CSMD1: variants seen among roughly 807,000 people sequenced by gnomAD.
The protein encoded by CSMD1 is CUB and sushi domain-containing protein 1.
CSMD1 carries 213 observed loss-of-function variants against 417.5 expected under a neutral mutation model. That is an observed-to-expected ratio of 0.51 (90% confidence interval 0.46 to 0.57). CSMD1 has a LOEUF of 0.57. Among genes scored for constraint, CSMD1 ranks in the 20% least tolerant of loss-of-function variants. The pLI is 0.00. For missense variants in CSMD1, 6,923 were observed against 4,529.7 expected (o/e 1.53, Z -15.17); for synonymous variants, 2,862 against 1,736.8 (o/e 1.65, Z -16.11).
intron 3 of CSMD1, among the ~76,000 whole-genome samples, chr8:4,393,697 C>G (rs1167142138): frequency 6.6e-6 from 1 of 152,304 alleles, no homozygotes; most frequent in East Asian, 1.9e-4. Flanking sequence ...AACCAAGAAC[C>G]TGGAACTCCA....
At chr8:4,435,122 CTG>C (rs747968814) in intron 2 of CSMD1, among the ~76,000 whole-genome samples, 9 of 151,932 alleles carry the variant, frequency 5.9e-5, no homozygotes, top group Non-Finnish European at 5.9e-5. Flanking sequence ...TAAGGAAAAA[CTG>C]TATTTTAAAG....
At chr8:4,230,879 C>G (rs1801682139) in intron 3 of CSMD1, among the ~76,000 whole-genome samples, 2 of 152,084 alleles carry the variant, frequency 1.3e-5, no homozygotes, top group Admixed American at 1.3e-4. Context: ...ACGGCACTAA[C>G]TTGAGTCACC....
chr8:4,205,436 T>C (rs928669299), intron 3 of CSMD1, among the ~76,000 whole-genome samples: 9 of 152,234 alleles, frequency 5.9e-5, no homozygotes, highest in Non-Finnish European at 7.3e-5. Context: ...CTGATATTTA[T>C]TTCATGATGC....
chr8:3,564,045 G>T (rs758857300), intron 10 of CSMD1, among the ~76,000 whole-genome samples: 2 of 151,854 alleles, frequency 1.3e-5, no homozygotes, highest in African/African-American at 2.4e-5. Flanking sequence ...ATATATTTTG[G>T]GGGTACACGT....
intron 1 of CSMD1, among the ~76,000 whole-genome samples, chr8:4,790,097 TA>T (rs1797614002): frequency 6.6e-6 from 1 of 152,280 alleles, no homozygotes; most frequent in Middle Eastern, 3.4e-3. Context: ...GGGAAAATAC[TA>T]AGCTCCATCA....
At chr8:4,713,692 T>A (rs1172909776) in intron 1 of CSMD1, among the ~76,000 whole-genome samples, 1 of 152,142 alleles carries the variant, frequency 6.6e-6, no homozygotes, top group Non-Finnish European at 1.5e-5. Context: ...CTCCAGCTGC[T>A]CGCCACTGCC....
intron 49 of CSMD1, among the ~76,000 whole-genome samples, chr8:3,064,865 G>A (rs1174430560): frequency 6.6e-6 from 1 of 152,006 alleles, no homozygotes; most frequent in African/African-American, 2.4e-5. Flanking sequence ...TAGGGGCTTA[G>A]TTTCAGAATC....
chr8:3,794,438 A>G (rs952688672), intron 5 of CSMD1, among the ~76,000 whole-genome samples: 1 of 152,142 alleles, frequency 6.6e-6, no homozygotes, highest in Non-Finnish European at 1.5e-5. Context: ...TGTAGTGATC[A>G]TAGAATCAGT....
intron 26 of CSMD1, among the ~76,000 whole-genome samples, chr8:3,275,301 G>A (rs1585889731): frequency 6.6e-6 from 1 of 152,330 alleles, no homozygotes; most frequent in African/African-American, 2.4e-5. Flanking sequence ...GAGATCTGCT[G>A]TTAGTCTGAT....
intron 7 of CSMD1, among the ~76,000 whole-genome samples, chr8:3,660,244 G>A (rs1194290918): frequency 6.6e-6 from 1 of 152,104 alleles, no homozygotes; most frequent in East Asian, 1.9e-4. Flanking sequence ...TTTACTGTCT[G>A]TGGGATCTTG....
chr8:3,841,839 C>A (rs1239621458), intron 5 of CSMD1, among the ~76,000 whole-genome samples: 1 of 152,066 alleles, frequency 6.6e-6, no homozygotes, highest in Admixed American at 6.6e-5. Context: ...GACTTTGCAT[C>A]AAGCTAGCAG....
chr8:4,912,741 G>C (rs796604508), intron 1 of CSMD1, among the ~76,000 whole-genome samples: 14 of 152,096 alleles, frequency 9.2e-5, no homozygotes, highest in Admixed American at 7.9e-4. Flanking sequence ...CTATTAGTTT[G>C]AAATTTTGGA....
intron 7 of CSMD1, among the ~76,000 whole-genome samples, chr8:3,697,106 G>A (rs76822584): frequency 0.027 from 4,116 of 152,170 alleles, 185 homozygotes; most frequent in African/African-American, 0.094. Flanking sequence ...AATATTGCTA[G>A]GTCATCAATA....
chr8:4,678,240 G>C (rs1358311874), intron 1 of CSMD1, among the ~76,000 whole-genome samples: 1 of 151,892 alleles, frequency 6.6e-6, no homozygotes, highest in Non-Finnish European at 1.5e-5. Flanking sequence ...GTGAAACCCT[G>C]TCTCTAATGA....
intron 4 of CSMD1, among the ~76,000 whole-genome samples, chr8:4,015,038 T>C (rs1460548955): frequency 2.0e-5 from 3 of 152,204 alleles, no homozygotes. Flanking sequence ...GACTGATTTT[T>C]TTGAACAGTT....
intron 5 of CSMD1, among the ~76,000 whole-genome samples, chr8:3,921,315 G>GT (rs1019456908): frequency 5.3e-5 from 8 of 151,902 alleles, no homozygotes; most frequent in African/African-American, 7.2e-5. Flanking sequence ...TAGCATAAGA[G>GT]TTTATCATTT....
At chr8:4,210,462 C>A (rs1386810879) in intron 3 of CSMD1, among the ~76,000 whole-genome samples, 2 of 152,174 alleles carry the variant, frequency 1.3e-5, no homozygotes, top group African/African-American at 4.8e-5. Flanking sequence ...AAGTTTCTAA[C>A]TTTGAACTGC....
intron 47 of CSMD1, among the ~76,000 whole-genome samples, chr8:3,092,510 T>TG (rs2129008796): frequency 6.6e-6 from 1 of 152,300 alleles, no homozygotes; most frequent in African/African-American, 2.4e-5. Flanking sequence ...TGGATATGGG[T>TG]GAAGCTTCTA....
rs554622200 is a variant in CSMD1 at position 4,052,951 on chromosome 8, G to A, written c.416-20852C>T. Among the ~76,000 whole-genome samples the A allele has an allele frequency of 1.2e-4, 19 of 152,264 alleles. No homozygotes were observed. In the South Asian group the frequency reaches 3.5e-3, roughly 28 times the overall value. Reference sequence around the variant, plus strand: ...GAAGTGGCTAATGAGGGTCTGAGAGGTATAAATGGACCCAGAACCTGAGGG... The same window carrying A: ...GAAGTGGCTAATGAGGGTCTGAGAGATATAAATGGACCCAGAACCTGAGGG... On this transcript the variant is annotated intron_variant, in intron 3 of 69. Coordinates refer to ENST00000635120, the MANE Select transcript of CSMD1 (RefSeq NM_033225.6).
Sources: allele counts gnomAD v4.1 joint callset (sites outside exome capture counted in the v4.1 genomes callset), GRCh38; gene constraint gnomAD v4.1.1; transcripts MANE v1.5; gene names NCBI Gene and HGNC (gene_info 2026-07-23, HGNC 2026-07-21).